Variants in CAPRIN2 observed in about 807,000 individuals in gnomAD.
CAPRIN2 encodes caprin family member 2, also known as caprin-2.
CAPRIN2 carries 66 observed loss-of-function variants against 130.4 expected under a neutral mutation model. The ratio of observed to expected loss-of-function variants is 0.51; its 90% CI spans 0.42 to 0.62. CAPRIN2 has a LOEUF of 0.62. Ranked by LOEUF, CAPRIN2 falls within the 20% of genes least tolerant of loss-of-function variation. The pLI is 0.00. For missense variants in CAPRIN2, 1,185 were observed against 1,246.6 expected (o/e 0.95, Z 0.74); for synonymous variants, 471 against 444.1 (o/e 1.06, Z -0.76).
At chr12:30,745,235 C>T (rs1038128620) in intron 2 of CAPRIN2, among the ~76,000 whole-genome samples, 4 of 152,162 alleles carry the variant, frequency 2.6e-5, no homozygotes. Context: ...GTTCCCTTTG[C>T]CTGTTGCTTG....
intron 9 of CAPRIN2, among the ~76,000 whole-genome samples, chr12:30,725,201 C>A (rs137950608): frequency 6.6e-6 from 1 of 152,196 alleles, no homozygotes; most frequent in East Asian, 1.9e-4. Context: ...TGAGAAATCA[C>A]GCTCTTGTAT....
intron 12 of CAPRIN2, chr12:30,719,473 G>C (rs914876707): frequency 9.4e-6 from 4 of 425,444 alleles, no homozygotes; most frequent in African/African-American, 7.9e-5. Context: ...CAGATGAGGG[G>C]CTGAACTTTT....
In CAPRIN2 at chr12:30,753,340, T is replaced by C. The variant is rs748016963; in HGVS notation, c.420+4A>G. 1.3e-6 allele frequency: 2 copies of C among 1,599,450 alleles called. No individual in the cohort carries two copies. Among genetic ancestry groups the C allele is most frequent in the South Asian group, 1.1e-5 (1 of 90,334 alleles). ...ATCTACAGGACTGGAAGAAAAAAAG[T>C]TACCTTCTTTTTCTCGATGTTTCTA... On this transcript the variant is annotated splice_donor_region_variant and intron_variant, in intron 1 of 16. Coordinates refer to ENST00000298892, the Ensembl canonical transcript of CAPRIN2.
At chr12:30,742,403 A>G (rs2067906978) in intron 2 of CAPRIN2, among the ~76,000 whole-genome samples, 1 of 152,076 alleles carries the variant, frequency 6.6e-6, no homozygotes, top group Non-Finnish European at 1.5e-5. Context: ...CATGTCCTAC[A>G]GCCTAATGAT....
intron 14 of CAPRIN2, 136 bp from the exon 17 acceptor site, chr12:30,714,021 C>A: frequency 2.0e-6 from 1 of 497,424 alleles, no homozygotes; most frequent in South Asian, 3.7e-5. Flanking sequence ...TTTAAGCAAA[C>A]TCTACTAATA....
chr12:30,733,782 G>T, intron 4 of CAPRIN2, 71 bp from the exon 6 acceptor site: 2 of 976,380 alleles, frequency 2.0e-6, no homozygotes, highest in Non-Finnish European at 3.3e-6. Context: ...CACAATTTAT[G>T]CAATATAACC....
exon 3 of CAPRIN2, chr12:30,741,059 G>T: frequency 6.2e-7 from 1 of 1,611,252 alleles, no homozygotes; most frequent in Non-Finnish European, 8.5e-7. Context: ...GAAGCTCCTT[G>T]GCAAATTCCA....
intron 3 of CAPRIN2, among the ~76,000 whole-genome samples, chr12:30,740,448 T>G (rs1360666945): frequency 3.9e-5 from 6 of 152,184 alleles, no homozygotes; most frequent in African/African-American, 1.4e-4. Flanking sequence ...TAAAGAATAC[T>G]TCACTGAGAA....
chr12:30,715,085 G>C (rs769965595), exon 14 of CAPRIN2: 1 of 1,614,024 alleles, frequency 6.2e-7, no homozygotes, highest in Non-Finnish European at 8.5e-7. Flanking sequence ...GTCTGTGCTG[G>C]GTAAAAGGCA....
Position 30,719,063 on chromosome 12 carries a change from C to G in CAPRIN2, c.2148+1748G>C. 2 of 1,609,532 alleles carry G rather than the reference C, an allele frequency of 1.2e-6. No homozygotes were observed. The highest frequency in any genetic ancestry group is 1.7e-6 in the Non-Finnish European group (2 of 1,177,206). On this transcript the variant is annotated intron_variant, in intron 12 of 16. Coordinates refer to ENST00000298892, the Ensembl canonical transcript of CAPRIN2. Reference sequence around the variant, plus strand: ...GGAATAATGAACTGCAATCATCATTCATGTTTCATACTCACTGTCTGCATG... The same window carrying G: ...GGAATAATGAACTGCAATCATCATTGATGTTTCATACTCACTGTCTGCATG...
intron 14 of CAPRIN2, among the ~76,000 whole-genome samples, chr12:30,714,246 A>G (rs2056588050): frequency 1.3e-5 from 2 of 152,208 alleles, no homozygotes; most frequent in Admixed American, 1.3e-4. Flanking sequence ...CAGTAGTGAG[A>G]TCACAGCTCA....
chr12:30,723,258 C>T lies in CAPRIN2; in HGVS notation c.2043+1G>A, dbSNP rs1318873120. On this transcript the variant is annotated splice_donor_variant, in intron 11 of 16. Transcript: ENST00000298892. LOFTEE classifies it high-confidence loss of function. ...AATAAAAGATTAATTTGGAAAGTTA[C>T]CTGTAACGGCTCTTGAAGAAAATCA... 6.2e-7 allele frequency: 1 copy of T among 1,605,350 alleles called. No individual in the cohort carries two copies. The highest frequency in any genetic ancestry group is 8.5e-7 in the Non-Finnish European group (1 of 1,172,448).
chr12:30,713,201 G>A (rs2055887325), intron 15 of CAPRIN2, among the ~76,000 whole-genome samples: 1 of 152,160 alleles, frequency 6.6e-6, no homozygotes, highest in African/African-American at 2.4e-5. Context: ...ATATGCTGAT[G>A]TATTATAGAT....
exon 1 of CAPRIN2, chr12:30,753,837 G>A: frequency 2.1e-6 from 3 of 1,435,834 alleles, no homozygotes; most frequent in African/African-American, 1.4e-5. Context: ...CCAATACGGA[G>A]GATGTTTCCA....
At chr12:30,730,186 C>G in intron 7 of CAPRIN2, 53 bp downstream of exon 8, 1 of 1,421,574 alleles carries the variant, frequency 7.0e-7, no homozygotes, top group South Asian at 1.2e-5. Flanking sequence ...AACCATAACC[C>G]TATGCAAAAG....
chr12:30,713,226 T>G (rs1199599056), intron 15 of CAPRIN2, among the ~76,000 whole-genome samples: 1 of 152,226 alleles, frequency 6.6e-6, no homozygotes, highest in Non-Finnish European at 1.5e-5. Flanking sequence ...ATCCGTAAGT[T>G]CCCAAGTTTT....
At chr12:30,727,222 T>A (rs946378853) in intron 8 of CAPRIN2, among the ~76,000 whole-genome samples, 3 of 152,158 alleles carry the variant, frequency 2.0e-5, no homozygotes, top group African/African-American at 7.2e-5. Context: ...ACATTACAGT[T>A]ACTGTTGTGT....
At chr12:30,716,368 CA>C in intron 13 of CAPRIN2, 139 bp downstream of exon 15, 1 of 739,638 alleles carries the variant, frequency 1.4e-6, no homozygotes, top group Non-Finnish European at 2.2e-6. Flanking sequence ...TTTTTCTCAA[CA>C]CTGGAGGAAC....
At chr12:30,726,292 T>A (rs1449658779) in intron 8 of CAPRIN2, among the ~76,000 whole-genome samples, 1 of 152,228 alleles carries the variant, frequency 6.6e-6, no homozygotes, top group Non-Finnish European at 1.5e-5. Flanking sequence ...TGGAACTCTT[T>A]CTAAAACACA....
Sources: allele counts gnomAD v4.1 joint callset (sites outside exome capture counted in the v4.1 genomes callset), GRCh38; gene constraint gnomAD v4.1.1; transcripts MANE v1.5; gene names NCBI Gene and HGNC (gene_info 2026-07-23, HGNC 2026-07-21).